GIGYF2: variants seen among roughly 807,000 people sequenced by gnomAD.
GIGYF2 encodes the protein GRB10-interacting GYF protein 2.
Under a neutral mutation model 208.1 loss-of-function variants are expected in GIGYF2, and 25 were observed. That is an observed-to-expected ratio of 0.12 (90% CI 0.09 to 0.17). GIGYF2 has a LOEUF of 0.17. Ranked by LOEUF, GIGYF2 falls within the 10% of genes least tolerant of loss-of-function variation. The probability of loss-of-function intolerance (pLI) is 1.00; values close to 1 mark genes in which losing one functional copy is unlikely to be tolerated. For synonymous variants in GIGYF2, 534 were observed against 543.8 expected, an observed-to-expected ratio of 0.98 and a Z score of 0.25; for missense variants, 1,302 against 1,579.4, an observed-to-expected ratio of 0.82 and a Z score of 2.98.
chr2:232,716,479 A>G (rs898808244), intron 2 of GIGYF2, among the ~76,000 whole-genome samples: 2 of 150,432 alleles, frequency 1.3e-5, no homozygotes, highest in Admixed American at 6.7e-5. Flanking sequence ...CCCGCGTTCA[A>G]GCAATCCTCA....
At chr2:232,768,215 G>C (rs2106334455) in intron 8 of GIGYF2, 1 of 1,613,974 alleles carries the variant, frequency 6.2e-7, no homozygotes, top group East Asian at 2.2e-5. Context: ...CTGTTTCAGA[G>C]ATCTGAAAAT....
At chr2:232,706,199 C>T (rs1696102897) in intron 2 of GIGYF2, among the ~76,000 whole-genome samples, 1 of 151,950 alleles carries the variant, frequency 6.6e-6, no homozygotes, top group Non-Finnish European at 1.5e-5. Context: ...TTTTTTTCAG[C>T]CAGGGTTGTT....
intron 3 of GIGYF2, 143 bp downstream of exon 3, chr2:232,735,381 C>A (rs1697691353): frequency 3.0e-6 from 2 of 674,486 alleles, no homozygotes; most frequent in African/African-American, 1.8e-5. Context: ...TGTGTTAGTT[C>A]AGGAATAAAT....
chr2:232,742,358 T>C (rs181098605), intron 3 of GIGYF2, among the ~76,000 whole-genome samples: 2 of 152,240 alleles, frequency 1.3e-5, no homozygotes, highest in Admixed American at 1.3e-4. Flanking sequence ...CTGACAAATA[T>C]GGGGAAACCC....
intron 2 of GIGYF2, among the ~76,000 whole-genome samples, chr2:232,723,159 A>G (rs185794075): frequency 2.0e-5 from 3 of 152,162 alleles, no homozygotes; most frequent in East Asian, 1.9e-4. Context: ...ATAAAACTCT[A>G]CATAACCTTG....
intron 28 of GIGYF2, among the ~76,000 whole-genome samples, chr2:232,851,474 C>T (rs1346918081): frequency 6.6e-6 from 1 of 151,338 alleles, no homozygotes; most frequent in African/African-American, 2.4e-5. Context: ...GGCTGGAGTG[C>T]AGTGGCGTGA....
Position 232,847,507 on chromosome 2 carries a change from A to C in GIGYF2, c.3620A>C (p.Gln1207Pro), listed in dbSNP as rs1559167981. ...KQKANQQRQQ[Q>P]QLPQQQQQQP... Reference sequence around the variant, plus strand: ...AAAGCCAACCAGCAGCGTCAGCAGCAGCAGCTGCCACAGCAGCAGCAGCAG... The same window carrying C: ...AAAGCCAACCAGCAGCGTCAGCAGCCGCAGCTGCCACAGCAGCAGCAGCAG... Residue 1207 changes from glutamine to proline, a missense_variant, in exon 27 of 29, where the codon CAG becomes CCG. Physicochemically the swap from Gln to Pro is moderately conservative, Grantham distance 76. Transcript: ENST00000373563. The C allele has an allele frequency of 1.4e-6, 2 of 1,385,066 alleles. No individual in the cohort carries two copies. The highest frequency in any genetic ancestry group is 4.0e-5 in the Admixed American group (2 of 49,566). The allele number at this position is 1,385,066 out of a possible 1,614,324, so 85.8% of individuals were successfully genotyped here.
chr2:232,737,442 C>T (rs1412886560), intron 3 of GIGYF2, among the ~76,000 whole-genome samples: 1 of 152,166 alleles, frequency 6.6e-6, no homozygotes, highest in Non-Finnish European at 1.5e-5. Flanking sequence ...TTCCCTTAGT[C>T]ATCTGAAATG....
chr2:232,859,940 A>C lies in GIGYF2; in HGVS notation c.*3080A>C, dbSNP rs1275429540. 6.6e-6 allele frequency: 1 copy of C among 152,114 alleles called. No homozygotes were observed. The highest frequency in any genetic ancestry group is 1.5e-5 in the Non-Finnish European group (1 of 68,030). 9.4% of individuals were successfully genotyped at this position (152,114 alleles called of 1,614,324 possible). On this transcript the variant is annotated 3_prime_UTR_variant, in exon 29 of 29. Coordinates refer to ENST00000373563, the MANE Select transcript of GIGYF2 (RefSeq NM_001103146.3). The stretch of plus-strand genomic sequence containing the variant: ...AGTCACTTCTGTGACACTGTGTTGC[A>C]TCAAAGTAGTCACAAACCCACTCAG...
chr2:232,716,374 G>GTTTTTTTTTTTTTTTT (rs397988241), intron 2 of GIGYF2, among the ~76,000 whole-genome samples: 1 of 100,288 alleles, frequency 1.0e-5, no homozygotes, highest in Non-Finnish European at 1.9e-5. Context: ...GGTGTTATTT[G>GTTTTTTTTTTTTTTTT]TTTTTTTTTT....
chr2:232,790,927 G>A lies in GIGYF2; in HGVS notation c.930+12G>A. The A allele has an allele frequency of 6.2e-7, 1 of 1,613,014 alleles. No homozygotes were observed. The highest frequency in any genetic ancestry group is 8.5e-7 in the Non-Finnish European group (1 of 1,178,996). On this transcript the variant is annotated intron_variant, in intron 10 of 28. Transcript: ENST00000373563. ...TCCTTTCTCTAAAAGTAAGAAACGTGTTTTAAATGTCATGACCAGCATTAA... is the reference window on the plus strand; with the variant it reads ...TCCTTTCTCTAAAAGTAAGAAACGTATTTTAAATGTCATGACCAGCATTAA...
intron 9 of GIGYF2, among the ~76,000 whole-genome samples, chr2:232,790,335 C>A (rs368155274): frequency 6.6e-6 from 1 of 152,164 alleles, no homozygotes; most frequent in African/African-American, 2.4e-5. Flanking sequence ...GGAAGGATGT[C>A]TAGTGCATTA....
intron 28 of GIGYF2, among the ~76,000 whole-genome samples, chr2:232,855,080 CTTTTTTTTTTTTTTT>C (rs201395041): frequency 1.8e-5 from 2 of 109,190 alleles, no homozygotes; most frequent in African/African-American, 7.8e-5. Context: ...CTTTTTCTTT[CTTTTTTTTTTTTTTT>C]TTTTTTTTTG....
rs1391589405 is a variant in GIGYF2, at chr2:232,736,914, CACA to C, written c.41+1683_41+1685del. 2.1e-4 allele frequency among the ~76,000 whole-genome samples: 32 copies of C among 152,262 alleles called. 1 individual carries two copies. Among genetic ancestry groups the C allele is most frequent in the Admixed American group, 1.2e-3 (18 of 15,292 alleles). On this transcript the variant is annotated intron_variant, in intron 3 of 28. Coordinates refer to ENST00000373563, the MANE Select transcript of GIGYF2 (RefSeq NM_001103146.3). ...AGAAAGGGAACACCAGGAATTTAGA[CACA>C]ACAACAGAGAAAAGAAAAACTGATG...
In GIGYF2 at chr2:232,811,304, G is replaced by A. The variant is rs372202700; in HGVS notation, c.1959G>A (p.Gln653=). 37 of 1,612,692 alleles carry A rather than the reference G, an allele frequency of 2.3e-5. No homozygotes were observed. Among genetic ancestry groups the A allele is most frequent in the Non-Finnish European group, 3.1e-5 (36 of 1,178,770 alleles). ...AAGCAGCACTGTCTTCCCAGCAGCA[G>A]CAGCAGTTGGCACTTCTTCTTCAAC... is the stretch of plus-strand genomic sequence containing the variant. ...QQKAALSSQQ[Q]QQLALLLQQF... Residue 653 remains glutamine (Q), a synonymous_variant, in exon 17 of 29, where the codon CAG becomes CAA. Coordinates refer to ENST00000373563, the MANE Select transcript of GIGYF2 (RefSeq NM_001103146.3).
chr2:232,839,519 T>G (rs1701753917), intron 22 of GIGYF2, among the ~76,000 whole-genome samples: 1 of 152,244 alleles, frequency 6.6e-6, no homozygotes, highest in Admixed American at 6.5e-5. Context: ...GTGATTCTTT[T>G]GTTTACTCCT....
At chr2:232,704,891 G>A (rs58780419) in intron 2 of GIGYF2, among the ~76,000 whole-genome samples, 1,910 of 109,028 alleles carry the variant, frequency 0.018, 59 homozygotes, top group African/African-American at 0.064. Context: ...ACAGAGTCTC[G>A]CTCTTTCGCC....
At chr2:232,820,628 A>G (rs1464852728) in intron 21 of GIGYF2, among the ~76,000 whole-genome samples, 2 of 152,040 alleles carry the variant, frequency 1.3e-5, no homozygotes, top group Non-Finnish European at 2.9e-5. Flanking sequence ...CCCAGCAATA[A>G]TTTCTAACGT....
chr2:232,737,175 C>G (rs1697767134), intron 3 of GIGYF2, among the ~76,000 whole-genome samples: 1 of 152,282 alleles, frequency 6.6e-6, no homozygotes, highest in Admixed American at 6.5e-5. Flanking sequence ...AGTTTGCTGG[C>G]CCCTGCCCTA....
Sources: allele counts gnomAD v4.1 joint callset (sites outside exome capture counted in the v4.1 genomes callset), GRCh38; gene constraint gnomAD v4.1.1; transcripts MANE v1.5; gene names NCBI Gene and HGNC (gene_info 2026-07-23, HGNC 2026-07-21).